Variants in IMMP1L observed in about 807,000 individuals in gnomAD.
IMMP1L encodes mitochondrial inner membrane protease subunit 1.
IMMP1L carries 24 observed loss-of-function variants against 21.8 expected under a neutral mutation model. That is an observed-to-expected ratio of 1.10 (90% CI 0.80 to 1.55). The LOEUF (loss-of-function observed/expected upper bound fraction) is 1.55. IMMP1L is among the 40% of genes most tolerant of loss of function. The pLI, the probability that IMMP1L is intolerant of heterozygous loss-of-function variation, is 0.00. For missense variants in IMMP1L, 195 were observed against 200.7 expected (o/e 0.97, Z 0.17); for synonymous variants, 46 against 62.8 (o/e 0.73, Z 1.26).
intron 4 of IMMP1L, among the ~76,000 whole-genome samples, chr11:31,455,962 A>G (rs879553711): frequency 2.6e-5 from 4 of 152,242 alleles, no homozygotes; most frequent in Admixed American, 6.5e-5. Flanking sequence ...TTTGGGAGAG[A>G]TAAGTTCAGA....
chr11:31,432,668 AAC>A, intron 5 of IMMP1L, 100 bp from the exon 6 acceptor site: 1 of 772,840 alleles, frequency 1.3e-6, no homozygotes, highest in East Asian at 2.5e-5. Flanking sequence ...ATGCCAGATA[AAC>A]ACTTTCTCCT....
Position 31,509,599 on chromosome 11 carries a change from G to A in IMMP1L, c.-110C>T. 1.6e-6 allele frequency: 1 copy of A among 641,236 alleles called. No individual in the cohort carries two copies. The highest frequency in any genetic ancestry group is 2.7e-6 in the Non-Finnish European group (1 of 374,286). The allele number at this position is 641,236 out of a possible 1,614,324, so 39.7% of individuals were successfully genotyped here. ...CACCTGGGCCCCGCCGAAGTCGACCGTCCTTTCGTAGGGCGCACTTTTCAG... is the reference window on the plus strand; with the variant it reads ...CACCTGGGCCCCGCCGAAGTCGACCATCCTTTCGTAGGGCGCACTTTTCAG... On this transcript the variant is annotated 5_prime_UTR_variant, in exon 1 of 6. The change creates a new upstream start codon in the 5' untranslated region. Transcript: ENST00000532287.
intron 3 of IMMP1L, among the ~76,000 whole-genome samples, chr11:31,459,167 A>T (rs1422509094): frequency 6.6e-6 from 1 of 152,236 alleles, no homozygotes; most frequent in Admixed American, 6.5e-5. Flanking sequence ...AAAAGATTTG[A>T]AGAAGAATTA....
chr11:31,472,070 C>T (rs1171665811), intron 1 of IMMP1L, among the ~76,000 whole-genome samples: 4 of 152,072 alleles, frequency 2.6e-5, no homozygotes, highest in African/African-American at 9.7e-5. Flanking sequence ...TCTCTCCTGC[C>T]TCCTTTTTAC....
chr11:31,449,294 G>A (rs1953658318), intron 4 of IMMP1L, among the ~76,000 whole-genome samples: 1 of 152,088 alleles, frequency 6.6e-6, no homozygotes, highest in South Asian at 2.1e-4. Context: ...CCAGATGGTT[G>A]ACTTTTAGCT....
At position 31,438,871 on chromosome 11, in the gene IMMP1L, A is replaced by G. The variant is rs528855411; in HGVS notation, c.322-5301T>C. 1.1e-4 allele frequency among the ~76,000 whole-genome samples: 16 copies of G among 152,332 alleles called. No individual in the cohort carries two copies. The East Asian group carries it at 2.9e-3, about 27-fold the overall frequency. On this transcript the variant is annotated intron_variant, in intron 4 of 5. Coordinates refer to ENST00000532287, the MANE Select transcript of IMMP1L (RefSeq NM_001304274.2). ...TTTCTTCAGGTATAACTATCTTCAC[A>G]TATTATACCACTTCATGTAAGGTAA...
At chr11:31,442,410 C>T (rs996907248) in intron 4 of IMMP1L, among the ~76,000 whole-genome samples, 15 of 152,150 alleles carry the variant, frequency 9.9e-5, no homozygotes, top group African/African-American at 3.1e-4. Flanking sequence ...AAACAGTCCA[C>T]AATATCAAAT....
At chr11:31,469,656 A>G (rs1954479117) in intron 1 of IMMP1L, 1 of 152,198 alleles carries the variant, frequency 6.6e-6, no homozygotes. Flanking sequence ...ATAGGACAGA[A>G]GCAATATTTT....
chr11:31,489,734 C>A lies in IMMP1L; in HGVS notation c.-30+19785G>T, dbSNP rs117705526. Among the ~76,000 whole-genome samples, 597 of 152,156 alleles carry A rather than the reference C, an allele frequency of 3.9e-3. 5 individuals carry two copies. Among genetic ancestry groups the A allele is most frequent in the Non-Finnish European group, 6.9e-3 (470 of 67,984 alleles). On this transcript the variant is annotated intron_variant, in intron 1 of 5. Coordinates refer to ENST00000532287, the MANE Select transcript of IMMP1L (RefSeq NM_001304274.2). The stretch of plus-strand genomic sequence containing the variant: ...TCAAATTTTTAATTCAATCTTCTCT[C>A]TTTATGACACTACCACTTTTTTTTT...
At chr11:31,454,656 A>G (rs1188992820) in intron 4 of IMMP1L, among the ~76,000 whole-genome samples, 1 of 152,186 alleles carries the variant, frequency 6.6e-6, no homozygotes, top group East Asian at 1.9e-4. Context: ...ACAAAATTCA[A>G]TGAATATTTT....
chr11:31,495,937 T>G (rs777779535), intron 1 of IMMP1L, among the ~76,000 whole-genome samples: 30 of 152,126 alleles, frequency 2.0e-4, no homozygotes, highest in Non-Finnish European at 3.5e-4. Flanking sequence ...ATTCATTGAA[T>G]ATGGCAACAA....
At position 31,433,457 on chromosome 11, in the gene IMMP1L, TA is replaced by T; in HGVS notation, c.432+2del. On this transcript the variant is annotated splice_donor_variant, in intron 5 of 5. Transcript: ENST00000532287. ...ACCTTACATTTTAAGCAGAAAATGG[TA>T]CCTTAAAGAAGATTCGTCCTCTTAT... 1 of 1,499,454 alleles carries T rather than the reference TA, an allele frequency of 6.7e-7. No homozygotes were observed. The highest frequency in any genetic ancestry group is 9.1e-7 in the Non-Finnish European group (1 of 1,095,730). 92.9% of individuals were successfully genotyped at this position (1,499,454 alleles called of 1,614,324 possible).
chr11:31,470,268 C>T (rs1954497047), intron 1 of IMMP1L, among the ~76,000 whole-genome samples: 1 of 151,958 alleles, frequency 6.6e-6, no homozygotes. Context: ...ACAAAATTAG[C>T]CAGGTGTGGC....
Position 31,432,409 on chromosome 11 carries a change from A to G in IMMP1L, c.*91T>C. On this transcript the variant is annotated 3_prime_UTR_variant, in exon 6 of 6. Coordinates refer to ENST00000532287, the MANE Select transcript of IMMP1L (RefSeq NM_001304274.2). ...TTAAAAACAACTAAAACTGAATAGC[A>G]AATAGTTTATTGGTAAGTACACGGT... The G allele has an allele frequency of 1.2e-6, 1 of 842,174 alleles. No individual in the cohort carries two copies. The allele number at this position is 842,174 out of a possible 1,614,324, so 52.2% of individuals were successfully genotyped here.
chr11:31,498,548 T>C (rs1303535902), intron 1 of IMMP1L, among the ~76,000 whole-genome samples: 7 of 152,228 alleles, frequency 4.6e-5, no homozygotes, highest in African/African-American at 1.7e-4. Flanking sequence ...TTAATCACTC[T>C]GAATATATAC....
At chr11:31,479,768 T>C (rs1202870089) in intron 1 of IMMP1L, among the ~76,000 whole-genome samples, 2 of 152,076 alleles carry the variant, frequency 1.3e-5, no homozygotes, top group African/African-American at 2.4e-5. Context: ...AGCACCACTT[T>C]AGCAGGTCTT....
At chr11:31,453,903 G>C (rs1953847213) in intron 4 of IMMP1L, among the ~76,000 whole-genome samples, 1 of 152,180 alleles carries the variant, frequency 6.6e-6, no homozygotes, top group Non-Finnish European at 1.5e-5. Flanking sequence ...AGAAGTAGTA[G>C]TGGCATCGTG....
At chr11:31,503,651 C>G (rs919747855) in intron 1 of IMMP1L, among the ~76,000 whole-genome samples, 17 of 152,086 alleles carry the variant, frequency 1.1e-4, no homozygotes, top group Non-Finnish European at 7.4e-5. Flanking sequence ...TATGACAGAC[C>G]AATCCTACCA....
At chr11:31,478,383 T>C (rs1343085389) in intron 1 of IMMP1L, among the ~76,000 whole-genome samples, 2 of 152,250 alleles carry the variant, frequency 1.3e-5, no homozygotes, top group African/African-American at 2.4e-5. Context: ...TCTATAACAA[T>C]CATGCTCTGT....
Sources: gnomAD v4.1 joint callset for allele counts (sites outside exome capture counted in the v4.1 genomes callset) on GRCh38, gnomAD v4.1.1 for gene constraint, MANE v1.5 for transcripts, NCBI Gene and HGNC (gene_info 2026-07-23, HGNC 2026-07-21) for gene names.